Variants in MNAT1 observed in about 807,000 individuals in gnomAD.
MNAT1 encodes CDK-activating kinase assembly factor MAT1.
Under a neutral mutation model 42.0 loss-of-function variants are expected in MNAT1, and 43 were observed. The observed-to-expected ratio is 1.02, with a 90% CI of 0.80 to 1.32. The LOEUF is 1.32. Among genes scored for constraint, MNAT1 ranks in the 40% most tolerant of loss-of-function variants. MNAT1 has a pLI of 0.00. For missense variants in MNAT1, 306 were observed against 350.4 expected (o/e 0.87, Z 1.01); for synonymous variants, 118 against 120.0 (o/e 0.98, Z 0.11).
intron 6 of MNAT1, among the ~76,000 whole-genome samples, chr14:60,832,797 TC>T (rs935158588): frequency 2.0e-5 from 3 of 152,226 alleles, no homozygotes; most frequent in African/African-American, 7.2e-5. Context: ...CATTGACTCT[TC>T]CTATCCATGA....
chr14:60,947,393 T>A (rs1043480278), intron 7 of MNAT1, among the ~76,000 whole-genome samples: 1 of 152,116 alleles, frequency 6.6e-6, no homozygotes, highest in African/African-American at 2.4e-5. Flanking sequence ...AAAGGTACAA[T>A]AATTTATGTT....
intron 1 of MNAT1, among the ~76,000 whole-genome samples, chr14:60,772,916 CATTTATTT>C (rs201818233): frequency 1.9e-3 from 271 of 141,894 alleles, no homozygotes; most frequent in African/African-American, 5.0e-3. Flanking sequence ...TTTTTTAAAA[CATTTATTT>C]ATTTATTTAT....
At chr14:60,745,912 G>A (rs1896598636) in intron 1 of MNAT1, among the ~76,000 whole-genome samples, 1 of 152,170 alleles carries the variant, frequency 6.6e-6, no homozygotes, top group Non-Finnish European at 1.5e-5. Flanking sequence ...GCAGAACAGC[G>A]CTTAGAGAAT....
chr14:60,786,047 C>T (rs1388109252), intron 1 of MNAT1, among the ~76,000 whole-genome samples: 1 of 151,186 alleles, frequency 6.6e-6, no homozygotes, highest in African/African-American at 2.4e-5. Flanking sequence ...AAAATAAACC[C>T]AGTGTTAAAC....
Position 60,944,515 on chromosome 14 carries a change from C to A in MNAT1, c.810-23714C>A, listed in dbSNP as rs4151375. Among the ~76,000 whole-genome samples the A allele has an allele frequency of 1.1e-3, 168 of 152,312 alleles. No homozygotes were observed. In the East Asian group the frequency reaches 0.023, roughly 21 times the overall value. ...CTCCAGAATTATGAGAAATAGACTT[C>A]TATCGTTTAAGCCACTGAGTGTGTG... is the stretch of plus-strand genomic sequence containing the variant. On this transcript the variant is annotated intron_variant, in intron 7 of 7. Coordinates refer to ENST00000261245, the MANE Select transcript of MNAT1 (RefSeq NM_002431.4).
At chr14:60,888,703 C>T (rs571928169) in intron 7 of MNAT1, among the ~76,000 whole-genome samples, 2,038 of 142,600 alleles carry the variant, frequency 0.014, 21 homozygotes, top group South Asian at 0.045. Context: ...AAAACCCCAT[C>T]GTCTCAGCCC....
rs183890964 is a variant in MNAT1 at position 60,741,225 on chromosome 14, A to T, written c.89+6274A>T. On this transcript the variant is annotated intron_variant, in intron 1 of 7. Coordinates refer to ENST00000261245, the MANE Select transcript of MNAT1 (RefSeq NM_002431.4). Reference sequence around the variant, plus strand: ...TTTTCCGTTCATTTACTTTAAAAAAATTTTTTAACCCATGTAATATCAGTG... The same window carrying T: ...TTTTCCGTTCATTTACTTTAAAAAATTTTTTTAACCCATGTAATATCAGTG... Among the ~76,000 whole-genome samples, 714 of 152,246 alleles carry T rather than the reference A, an allele frequency of 4.7e-3. 9 individuals are homozygous for T. Among genetic ancestry groups the T allele is most frequent in the African/African-American group, 0.015 (637 of 41,550 alleles).
At chr14:60,788,556 C>T (rs1315569496) in intron 1 of MNAT1, among the ~76,000 whole-genome samples, 1 of 152,166 alleles carries the variant, frequency 6.6e-6, no homozygotes, top group Non-Finnish European at 1.5e-5. Context: ...ACGGCATCTT[C>T]CAATAGAAGG....
chr14:60,904,338 TC>T (rs1461883023), intron 7 of MNAT1, among the ~76,000 whole-genome samples: 1 of 152,236 alleles, frequency 6.6e-6, no homozygotes, highest in Non-Finnish European at 1.5e-5. Flanking sequence ...AATTTTTTTT[TC>T]TGGTTATGAC....
intron 7 of MNAT1, among the ~76,000 whole-genome samples, chr14:60,924,771 C>T (rs1343659946): frequency 2.0e-5 from 3 of 152,092 alleles, no homozygotes; most frequent in Admixed American, 6.5e-5. Context: ...TGAGTGAGGG[C>T]AAAAGCTGAC....
At chr14:60,962,625 A>G (rs1472919601) in intron 7 of MNAT1, among the ~76,000 whole-genome samples, 3 of 152,206 alleles carry the variant, frequency 2.0e-5, no homozygotes, top group Non-Finnish European at 4.4e-5. Context: ...ATAGCAATAA[A>G]TTACACAGTT....
At chr14:60,932,148 AG>A (rs2035901531) in intron 7 of MNAT1, among the ~76,000 whole-genome samples, 1 of 152,016 alleles carries the variant, frequency 6.6e-6, no homozygotes, top group Non-Finnish European at 1.5e-5. Flanking sequence ...AGGTTACATT[AG>A]AGTTCTGTTA....
At chr14:60,851,886 C>CT (rs1227375907) in intron 6 of MNAT1, among the ~76,000 whole-genome samples, 1 of 152,164 alleles carries the variant, frequency 6.6e-6, no homozygotes, top group Non-Finnish European at 1.5e-5. Context: ...TGAACTCTTT[C>CT]TTTTTTATGG....
intron 7 of MNAT1, among the ~76,000 whole-genome samples, chr14:60,924,112 T>A (rs2035717857): frequency 6.6e-6 from 1 of 152,206 alleles, no homozygotes; most frequent in Non-Finnish European, 1.5e-5. Context: ...ATTTTACCTC[T>A]GTTTCAAATA....
chr14:60,892,561 A>G (rs1051299355), intron 7 of MNAT1, among the ~76,000 whole-genome samples: 13 of 151,944 alleles, frequency 8.6e-5, no homozygotes, highest in Non-Finnish European at 1.6e-4. Context: ...ACCAATTTCT[A>G]TCTTTTGATT....
chr14:60,861,318 G>C (rs184086773), intron 6 of MNAT1, among the ~76,000 whole-genome samples: 20 of 152,192 alleles, frequency 1.3e-4, no homozygotes, highest in South Asian at 1.2e-3. Context: ...ATTGGATATA[G>C]GGAGACTGTA....
chr14:60,896,830 G>A (rs1594845526), intron 7 of MNAT1, among the ~76,000 whole-genome samples: 1 of 151,994 alleles, frequency 6.6e-6, no homozygotes, highest in South Asian at 2.1e-4. Context: ...TATTTAATGT[G>A]AGCTGTTCAT....
rs192775774 is a variant in MNAT1, at chr14:60,855,349, C to T, written c.688-24365C>T. On this transcript the variant is annotated intron_variant, in intron 6 of 7. Coordinates refer to ENST00000261245, the MANE Select transcript of MNAT1 (RefSeq NM_002431.4). ...TTCTGTCTTGGTGGGGTTCCAGGTG[C>T]CACTGGGTTATAAAAAAAACCTCCT... Among the ~76,000 whole-genome samples the T allele has an allele frequency of 2.6e-5, 4 of 152,066 alleles. No homozygotes were observed. In the South Asian group the frequency reaches 6.3e-4, roughly 24 times the overall value.
intron 7 of MNAT1, among the ~76,000 whole-genome samples, chr14:60,902,166 C>G (rs2035084507): frequency 6.6e-6 from 1 of 152,144 alleles, no homozygotes; most frequent in Non-Finnish European, 1.5e-5. Flanking sequence ...GAGCTTTCAT[C>G]AGCAAAAAGA....
Sources: allele counts gnomAD v4.1 joint callset (sites outside exome capture counted in the v4.1 genomes callset), GRCh38; gene constraint gnomAD v4.1.1; transcripts MANE v1.5; gene names NCBI Gene and HGNC (gene_info 2026-07-23, HGNC 2026-07-21).